GLB1: variants seen among roughly 807,000 people sequenced by gnomAD.
GLB1 encodes the protein galactosidase beta 1.
GLB1 carries 56 observed loss-of-function variants against 74.0 expected under a neutral mutation model. That is an observed-to-expected ratio of 0.76 (90% CI 0.61 to 0.94). GLB1 has a LOEUF of 0.94. Among genes scored for constraint, GLB1 ranks in the 40% least tolerant of loss-of-function variants. The pLI, the probability that GLB1 is intolerant of heterozygous loss-of-function variation, is 0.00. For synonymous variants in GLB1, 323 were observed against 323.6 expected (o/e 1.00, Z 0.02); for missense variants, 787 against 845.5 (o/e 0.93, Z 0.86).
In GLB1 at chr3:33,014,246, T is replaced by C. The variant is rs753037680; in HGVS notation, c.1544A>G (p.Asp515Gly). The C allele has an allele frequency of 1.9e-6, 3 of 1,614,104 alleles. No homozygotes were observed. Among genetic ancestry groups the C allele is most frequent in the East Asian group, 4.5e-5 (2 of 44,876 alleles). ...GTGGCTGCACACTGCATCCTCAGTG[T>C]CCAGTGGAAAGATCGTCCAGTCCGT... ...ILTDWTIFPL[D>G]TEDAVCSHLG... Residue 515 changes from aspartate (D) to glycine (G), a missense_variant, in exon 15 of 16, where the codon GAC becomes GGC. By Grantham distance (94) the Asp-to-Gly change is moderately conservative. Coordinates refer to ENST00000307363, the MANE Select transcript of GLB1 (RefSeq NM_000404.4).
chr3:33,030,027 C>G (rs1218195538), intron 10 of GLB1: 2 of 151,304 alleles, frequency 1.3e-5, no homozygotes, highest in Admixed American at 1.3e-4. Flanking sequence ...CAAAATGTGA[C>G]TAACTTGGCT....
the GLB1 span, among the ~76,000 whole-genome samples, chr3:32,986,146 G>A: frequency 3.0e-4 from 45 of 152,312 alleles, no homozygotes; most frequent in Middle Eastern, 3.4e-3. Context: ...TGGAAGCAGC[G>A]CCTCAGGCGG....
chr3:33,056,396 G>A (rs554885675), intron 6 of GLB1, among the ~76,000 whole-genome samples: 32 of 151,850 alleles, frequency 2.1e-4, no homozygotes, highest in Admixed American at 6.6e-4. Flanking sequence ...TCAAGGAACT[G>A]GTCTTTTTTG....
At chr3:32,982,400 T>G in the GLB1 span, among the ~76,000 whole-genome samples, 1 of 152,196 alleles carries the variant, frequency 6.6e-6, no homozygotes, top group East Asian at 1.9e-4. Flanking sequence ...CTTGCCTTTT[T>G]GGGGGAGTAT....
intron 15 of GLB1, among the ~76,000 whole-genome samples, chr3:33,000,114 A>T (rs970674300): frequency 2.2e-5 from 3 of 133,428 alleles, no homozygotes; most frequent in Non-Finnish European, 3.2e-5. Context: ...TAATTTTTGT[A>T]CTTTTTTAGA....
At chr3:32,984,897 G>A in the GLB1 span, among the ~76,000 whole-genome samples, 66 of 151,154 alleles carry the variant, frequency 4.4e-4, no homozygotes, top group Non-Finnish European at 7.8e-4. Context: ...AGCTGAGATC[G>A]CGCCACTGCA....
intron 1 of GLB1, chr3:33,091,694 T>G: frequency 1.0e-6 from 1 of 985,318 alleles, no homozygotes; most frequent in Non-Finnish European, 1.2e-6. Flanking sequence ...TGAGGGAAAG[T>G]CACCCACCCA....
chr3:32,983,801 C>T, the GLB1 span, among the ~76,000 whole-genome samples: 1 of 152,232 alleles, frequency 6.6e-6, no homozygotes, highest in East Asian at 1.9e-4. Flanking sequence ...ACCTCAGCCC[C>T]CTGAGTAGCT....
At chr3:33,013,035 C>A (rs1298882062) in intron 15 of GLB1, among the ~76,000 whole-genome samples, 1 of 152,216 alleles carries the variant, frequency 6.6e-6, no homozygotes, top group African/African-American at 2.4e-5. Context: ...TTCAATGGCT[C>A]TCAACACAAA....
intron 13 of GLB1, among the ~76,000 whole-genome samples, chr3:33,017,529 T>C (rs867292578): frequency 1.3e-5 from 2 of 152,160 alleles, no homozygotes; most frequent in East Asian, 3.9e-4. Flanking sequence ...TACAAGAGAA[T>C]GGGAAATATT....
At chr3:32,987,875 A>G in the GLB1 span, among the ~76,000 whole-genome samples, 1 of 152,112 alleles carries the variant, frequency 6.6e-6, no homozygotes, top group East Asian at 1.9e-4. Context: ...GGAGCTTAAT[A>G]ACATTTCCAT....
chr3:33,046,681 G>C (rs1698755256), intron 9 of GLB1, among the ~76,000 whole-genome samples: 1 of 152,200 alleles, frequency 6.6e-6, no homozygotes, highest in African/African-American at 2.4e-5. Flanking sequence ...TGAAGACACA[G>C]ATGACTAGGC....
chr3:32,970,587 C>T, the GLB1 span, among the ~76,000 whole-genome samples: 1 of 152,094 alleles, frequency 6.6e-6, no homozygotes, highest in African/African-American at 2.4e-5. Context: ...CACTCTAGGA[C>T]CCATATAGGA....
At chr3:33,024,944 C>A (rs1246941768) in intron 10 of GLB1, among the ~76,000 whole-genome samples, 1 of 139,924 alleles carries the variant, frequency 7.1e-6, no homozygotes, top group Non-Finnish European at 1.6e-5. Flanking sequence ...ATATACAAAT[C>A]CTCTTTTTTT....
intron 6 of GLB1, among the ~76,000 whole-genome samples, chr3:33,053,913 TG>T (rs575702991): frequency 4.2e-4 from 64 of 152,272 alleles, no homozygotes; most frequent in African/African-American, 1.5e-3. Flanking sequence ...CTCAGGAGGC[TG>T]AGGCAGGAGA....
chr3:32,980,810 G>A, the GLB1 span, among the ~76,000 whole-genome samples: 1 of 151,408 alleles, frequency 6.6e-6, no homozygotes, highest in Non-Finnish European at 1.5e-5. Context: ...AACCATCAGG[G>A]CTAGGCGCAG....
At chr3:33,085,259 A>G (rs1489690156) in intron 1 of GLB1, among the ~76,000 whole-genome samples, 2 of 139,512 alleles carry the variant, frequency 1.4e-5, no homozygotes, top group African/African-American at 5.4e-5. Flanking sequence ...AGAGTGACAG[A>G]GCAAGAGTCT....
intron 9 of GLB1, among the ~76,000 whole-genome samples, chr3:33,049,473 A>G (rs1698886747): frequency 6.6e-6 from 1 of 152,034 alleles, no homozygotes; most frequent in Admixed American, 6.6e-5. Context: ...CTGGAGTGCA[A>G]TGGCACGATC....
rs1575431060 is a variant in GLB1 at position 33,033,381 on chromosome 3, C to A, written c.1069-9056G>T. ...CTTTTGTTTTTCTAAACTATCAATA[C>A]TAAACAAATTTCAATCAGCCAGGCT... On this transcript the variant is annotated intron_variant, in intron 10 of 15. Transcript: ENST00000307363. 2.0e-5 allele frequency among the ~76,000 whole-genome samples: 3 copies of A among 152,190 alleles called. No individual in the cohort carries two copies. The East Asian group carries it at 5.8e-4, about 29-fold the overall frequency.
Sources: allele counts gnomAD v4.1 joint callset (sites outside exome capture counted in the v4.1 genomes callset), GRCh38; gene constraint gnomAD v4.1.1; transcripts MANE v1.5; gene names NCBI Gene and HGNC (gene_info 2026-07-23, HGNC 2026-07-21).